The following CREB5 variants were observed in gnomAD, a reference collection of about 807,000 sequenced individuals.
CREB5 encodes the protein cAMP responsive element binding protein 5, also known as cyclic AMP-responsive element-binding protein 5.
In CREB5, 19 loss-of-function variants were observed where a neutral mutation model predicts 57.1. That is an observed-to-expected ratio of 0.33 (90% confidence interval 0.23 to 0.49). The LOEUF is 0.49. Ranked by LOEUF, CREB5 falls within the 20% of genes least tolerant of loss-of-function variation. The pLI is 0.99. For synonymous variants in CREB5, 238 were observed against 238.3 expected, an observed-to-expected ratio of 1.00 and a Z score of 0.01; for missense variants, 579 against 671.6, an observed-to-expected ratio of 0.86 and a Z score of 1.52.
chr7:28,347,202 G>A (rs1786078315), intron 1 of CREB5, among the ~76,000 whole-genome samples: 1 of 152,186 alleles, frequency 6.6e-6, no homozygotes, highest in South Asian at 2.1e-4. Flanking sequence ...ATTTCTTAAG[G>A]CACTGATGTA....
chr7:28,687,550 A>G (rs1024788064), intron 5 of CREB5, among the ~76,000 whole-genome samples: 1 of 149,024 alleles, frequency 6.7e-6, no homozygotes, highest in African/African-American at 2.5e-5. Context: ...GCATTACTAG[A>G]TAGTAATAAA....
At chr7:28,426,350 T>G (rs1788510540) in intron 1 of CREB5, among the ~76,000 whole-genome samples, 1 of 152,250 alleles carries the variant, frequency 6.6e-6, no homozygotes, top group South Asian at 2.1e-4. Context: ...CTGTCCATTC[T>G]AGCTACCAAG....
intron 1 of CREB5, among the ~76,000 whole-genome samples, chr7:28,397,556 A>G (rs1016969975): frequency 1.3e-5 from 2 of 152,222 alleles, no homozygotes; most frequent in African/African-American, 4.8e-5. Flanking sequence ...GGCTAGAATC[A>G]TTGGCATCTT....
intron 1 of CREB5, among the ~76,000 whole-genome samples, chr7:28,460,718 G>C (rs2128574964): frequency 6.6e-6 from 1 of 152,286 alleles, no homozygotes; most frequent in South Asian, 2.1e-4. Flanking sequence ...TAGGGTTACT[G>C]TGAGGATTAA....
At chr7:28,763,615 C>T (rs1805785594) in intron 7 of CREB5, among the ~76,000 whole-genome samples, 1 of 152,076 alleles carries the variant, frequency 6.6e-6, no homozygotes, top group Admixed American at 6.6e-5. Flanking sequence ...TAGCACAGAC[C>T]TGAACATAAG....
chr7:28,469,703 G>A (rs1417981144), intron 1 of CREB5, among the ~76,000 whole-genome samples: 1 of 152,114 alleles, frequency 6.6e-6, no homozygotes, highest in Non-Finnish European at 1.5e-5. Context: ...CACTTACCAT[G>A]TGCCAGACAC....
intron 1 of CREB5, among the ~76,000 whole-genome samples, chr7:28,442,501 T>A (rs1406129368): frequency 2.0e-5 from 3 of 151,964 alleles, no homozygotes; most frequent in Non-Finnish European, 4.4e-5. Context: ...ATGGTAGTTT[T>A]TTTTGTTTGT....
intron 5 of CREB5, among the ~76,000 whole-genome samples, chr7:28,574,728 A>G (rs1217104837): frequency 1.3e-5 from 2 of 152,230 alleles, no homozygotes; most frequent in Non-Finnish European, 2.9e-5. Context: ...TAACATTAGA[A>G]TATACAAATG....
chr7:28,389,538 CCTTA>C (rs1213818462), intron 1 of CREB5, among the ~76,000 whole-genome samples: 5 of 152,094 alleles, frequency 3.3e-5, no homozygotes, highest in African/African-American at 1.2e-4. Flanking sequence ...ATGGTGTTCA[CCTTA>C]CTTAGCCTTT....
intron 1 of CREB5, among the ~76,000 whole-genome samples, chr7:28,433,811 G>C (rs557314556): frequency 6.6e-6 from 1 of 151,804 alleles, no homozygotes; most frequent in Non-Finnish European, 1.5e-5. Flanking sequence ...TTTACGTTTA[G>C]AATCATGCCA....
chr7:28,738,790 A>T (rs1305269494), intron 7 of CREB5, among the ~76,000 whole-genome samples: 3 of 152,206 alleles, frequency 2.0e-5, no homozygotes, highest in African/African-American at 7.2e-5. Flanking sequence ...TTCATCTCTT[A>T]GTTCCCAGCT....
chr7:28,439,163 C>T (rs1789083494), intron 1 of CREB5, among the ~76,000 whole-genome samples: 1 of 152,136 alleles, frequency 6.6e-6, no homozygotes, highest in South Asian at 2.1e-4. Context: ...TTACACCATC[C>T]TCTGTATCGT....
intron 5 of CREB5, among the ~76,000 whole-genome samples, chr7:28,665,205 G>C (rs1799775740): frequency 6.6e-6 from 1 of 152,170 alleles, no homozygotes; most frequent in Non-Finnish European, 1.5e-5. Context: ...CCATCAGGGA[G>C]GGCCAAGGAG....
rs561902253 is a variant in CREB5, at chr7:28,602,868, C to T, written c.464+32331C>T. Among the ~76,000 whole-genome samples, 6 of 152,214 alleles carry T rather than the reference C, an allele frequency of 3.9e-5. No individual in the cohort carries two copies. The East Asian group carries it at 5.8e-4, about 15-fold the overall frequency. The stretch of plus-strand genomic sequence containing the variant: ...ACACTCACAAAACTGCATGTAAAAT[C>T]GGTGAAATCTGAATAAACTCTGTGG... On this transcript the variant is annotated intron_variant, in intron 5 of 10. Transcript: ENST00000357727.
intron 7 of CREB5, among the ~76,000 whole-genome samples, chr7:28,803,161 C>A (rs1198210609): frequency 6.6e-6 from 1 of 152,182 alleles, no homozygotes. Context: ...ATACATCTGG[C>A]CAGTTGATGT....
At chr7:28,308,227 G>A (rs1483985814) in intron 1 of CREB5, among the ~76,000 whole-genome samples, 1 of 152,156 alleles carries the variant, frequency 6.6e-6, no homozygotes, top group Non-Finnish European at 1.5e-5. Flanking sequence ...TTAAAAAAAT[G>A]GGACTGAAAT....
At chr7:28,505,835 T>C (rs1792458527) in intron 3 of CREB5, among the ~76,000 whole-genome samples, 1 of 152,222 alleles carries the variant, frequency 6.6e-6, no homozygotes, top group South Asian at 2.1e-4. Flanking sequence ...CCTGCATAAA[T>C]ATTAATTTTG....
chr7:28,374,236 G>A (rs1345826904), intron 1 of CREB5, among the ~76,000 whole-genome samples: 2 of 152,158 alleles, frequency 1.3e-5, no homozygotes, highest in Admixed American at 6.6e-5. Context: ...TAGAGATGAC[G>A]CACAGAAATG....
At chr7:28,509,164 A>G (rs1053184198) in intron 4 of CREB5, among the ~76,000 whole-genome samples, 4 of 152,214 alleles carry the variant, frequency 2.6e-5, no homozygotes, top group Non-Finnish European at 4.4e-5. Flanking sequence ...AAACTGAACT[A>G]TAAGAAAGAT....
Sources: gnomAD v4.1 joint callset for allele counts (sites outside exome capture counted in the v4.1 genomes callset) on GRCh38, gnomAD v4.1.1 for gene constraint, MANE v1.5 for transcripts, NCBI Gene and HGNC (gene_info 2026-07-23, HGNC 2026-07-21) for gene names.